ZNF407: variants seen among roughly 807,000 people sequenced by gnomAD.
The protein encoded by ZNF407 is zinc finger protein 407.
In ZNF407, 17 loss-of-function variants were observed where a neutral mutation model predicts 131.2. The ratio of observed to expected loss-of-function variants is 0.13; its 90% CI spans 0.09 to 0.19. ZNF407 has a LOEUF of 0.19. Among genes scored for constraint, ZNF407 ranks in the 10% least tolerant of loss-of-function variants. The pLI, the probability that ZNF407 is intolerant of heterozygous loss-of-function variation, is 1.00. For synonymous variants in ZNF407, 1,156 were observed against 1,062.0 expected (o/e 1.09, Z -1.72); for missense variants, 2,681 against 2,830.6 (o/e 0.95, Z 1.20).
At chr18:75,053,898 A>G (rs1305318790) in intron 8 of ZNF407, among the ~76,000 whole-genome samples, 1 of 152,174 alleles carries the variant, frequency 6.6e-6, no homozygotes, top group East Asian at 1.9e-4. Flanking sequence ...CTCCGCGGTG[A>G]CAGCTCCTGA....
At chr18:74,609,929 A>T (rs1448477222) in intron 1 of ZNF407, among the ~76,000 whole-genome samples, 1 of 152,146 alleles carries the variant, frequency 6.6e-6, no homozygotes, top group Non-Finnish European at 1.5e-5. Context: ...TTATTTGTAG[A>T]TCATGTGGAT....
At chr18:74,697,466 G>A (rs1324123089) in intron 3 of ZNF407, among the ~76,000 whole-genome samples, 1 of 152,030 alleles carries the variant, frequency 6.6e-6, no homozygotes, top group Admixed American at 6.6e-5. Context: ...CAGGCCTTCA[G>A]TTTTCCAGGC....
chr18:74,915,568 C>T (rs1346093326), intron 7 of ZNF407, among the ~76,000 whole-genome samples: 8 of 80,398 alleles, frequency 1.0e-4, no homozygotes, highest in African/African-American at 1.5e-4. Flanking sequence ...TGTGTGTGTG[C>T]ATGCATGTGT....
chr18:74,923,982 A>G (rs72979488), intron 8 of ZNF407, among the ~76,000 whole-genome samples: 24,808 of 152,152 alleles, frequency 0.16, 2,317 homozygotes, highest in Admixed American at 0.27. Context: ...AATGTACAAA[A>G]GTTGTATATT....
chr18:74,657,082 G>GTTTTT (rs11338662), intron 3 of ZNF407, among the ~76,000 whole-genome samples: 1 of 134,634 alleles, frequency 7.4e-6, no homozygotes, highest in Non-Finnish European at 1.6e-5. Flanking sequence ...TGTTGAACTA[G>GTTTTT]TTTTTTTTTT....
intron 1 of ZNF407, among the ~76,000 whole-genome samples, chr18:74,607,118 C>T (rs1982841459): frequency 6.6e-6 from 1 of 152,198 alleles, no homozygotes; most frequent in Non-Finnish European, 1.5e-5. Context: ...AGAAGCAGGC[C>T]TCTTGATTCA....
chr18:74,911,061 C>T (rs986738009), intron 7 of ZNF407, among the ~76,000 whole-genome samples: 103 of 152,118 alleles, frequency 6.8e-4, no homozygotes, highest in African/African-American at 2.3e-3. Flanking sequence ...AAGTGACTTT[C>T]GTGGTGTGTA....
intron 8 of ZNF407, among the ~76,000 whole-genome samples, chr18:75,033,014 G>T (rs1254527454): frequency 7.5e-6 from 1 of 132,658 alleles, no homozygotes; most frequent in Non-Finnish European, 1.5e-5. Context: ...TCGGAATGGG[G>T]GGAAGATAGT....
intron 8 of ZNF407, chr18:75,062,828 TG>T: frequency 4.4e-6 from 1 of 227,490 alleles, no homozygotes; most frequent in Non-Finnish European, 8.5e-6. Flanking sequence ...TGATGGTGGT[TG>T]GGGGGAGGTA....
At chr18:74,725,265 T>G (rs1428227179) in intron 3 of ZNF407, among the ~76,000 whole-genome samples, 1 of 152,160 alleles carries the variant, frequency 6.6e-6, no homozygotes, top group East Asian at 1.9e-4. Flanking sequence ...ACTCCCTGAG[T>G]AGCTAGGACC....
rs77437009 is a variant in ZNF407, at chr18:74,996,509, T to C, written c.5429-66641T>C. Among the ~76,000 whole-genome samples, 1,465 of 152,296 alleles carry C rather than the reference T, an allele frequency of 9.6e-3. 18 individuals carry two copies. Among genetic ancestry groups the C allele is most frequent in the African/African-American group, 0.027 (1,138 of 41,548 alleles). On this transcript the variant is annotated intron_variant, in intron 8 of 8. Coordinates refer to ENST00000299687, the MANE Select transcript of ZNF407 (RefSeq NM_017757.3). The stretch of plus-strand genomic sequence containing the variant: ...CAGGAGGTGAACGGCAATAAGTGTT[T>C]AATAGTCGCAGATGCACAAAAGGCA...
chr18:74,739,305 C>T (rs1443935038), intron 3 of ZNF407, among the ~76,000 whole-genome samples: 1 of 151,726 alleles, frequency 6.6e-6, no homozygotes, highest in Non-Finnish European at 1.5e-5. Flanking sequence ...AAGCCACTGC[C>T]AGAGGTGGGA....
At chr18:74,706,170 G>A (rs975921420) in intron 3 of ZNF407, among the ~76,000 whole-genome samples, 4 of 152,098 alleles carry the variant, frequency 2.6e-5, no homozygotes, top group Non-Finnish European at 5.9e-5. Context: ...GAATTCTACC[G>A]CAAAAATTCT....
rs184915046 is a variant in ZNF407 at position 74,996,677 on chromosome 18, A to C, written c.5429-66473A>C. 1.1e-4 allele frequency among the ~76,000 whole-genome samples: 17 copies of C among 152,386 alleles called. No homozygotes were observed. The East Asian group carries it at 2.7e-3, about 24-fold the overall frequency. On this transcript the variant is annotated intron_variant, in intron 8 of 8. Transcript: ENST00000299687. ...GTTCCGAATGGACATTAGACATTTTAGATTAGAAAGAGGAAAGGAAAGTAA... is the reference window on the plus strand; with the variant it reads ...GTTCCGAATGGACATTAGACATTTTCGATTAGAAAGAGGAAAGGAAAGTAA...
At chr18:74,718,709 A>G (rs981443967) in intron 3 of ZNF407, among the ~76,000 whole-genome samples, 2 of 152,122 alleles carry the variant, frequency 1.3e-5, no homozygotes, top group African/African-American at 4.8e-5. Context: ...GTTGACTAGT[A>G]ATATTTTCAA....
chr18:74,791,931 G>A (rs1969833304), intron 4 of ZNF407, among the ~76,000 whole-genome samples: 1 of 152,132 alleles, frequency 6.6e-6, no homozygotes, highest in Non-Finnish European at 1.5e-5. Context: ...CTTTTACTCA[G>A]CTGGTCTAAT....
At position 74,632,748 on chromosome 18, in the gene ZNF407, C is replaced by T. The variant is rs1453759640; in HGVS notation, c.1729C>T (p.His577Tyr). Residue 577 changes from histidine to tyrosine, a missense_variant, in exon 2 of 9, where the codon CAC becomes TAC. By Grantham distance (83) the His-to-Tyr change is moderately conservative. This residue lies in a region of ZNF407 where 1,789 missense variants were observed against 1,748.7 expected (regional missense o/e 1.02). Coordinates refer to ENST00000299687, the MANE Select transcript of ZNF407 (RefSeq NM_017757.3). ...MSRRDLDEHL[H>Y]SNQHQQTASV... The stretch of plus-strand genomic sequence containing the variant: ...AAGAAGGGACTTAGATGAACATTTG[C>T]ACAGTAACCAGCATCAGCAAACTGC... The T allele has an allele frequency of 1.2e-6, 2 of 1,613,870 alleles. No individual in the cohort carries two copies. The highest frequency in any genetic ancestry group is 1.3e-5 in the African/African-American group (1 of 74,896).
At chr18:74,660,215 G>A (rs568255244) in intron 3 of ZNF407, among the ~76,000 whole-genome samples, 1 of 152,182 alleles carries the variant, frequency 6.6e-6, no homozygotes, top group Non-Finnish European at 1.5e-5. Flanking sequence ...CAACCTCTAA[G>A]GTAGCAGTTA....
intron 1 of ZNF407, among the ~76,000 whole-genome samples, chr18:74,621,538 G>A (rs559783261): frequency 2.6e-5 from 4 of 152,048 alleles, no homozygotes; most frequent in African/African-American, 7.2e-5. Context: ...GCTCTGAGTC[G>A]GAGGCCTCAT....
Sources: allele counts gnomAD v4.1 joint callset (sites outside exome capture counted in the v4.1 genomes callset), GRCh38; gene constraint gnomAD v4.1.1; regional missense constraint gnomAD v4.1.1; transcripts MANE v1.5; gene names NCBI Gene and HGNC (gene_info 2026-07-23, HGNC 2026-07-21).